The following ACTN1 variants were observed in gnomAD, a reference collection of about 807,000 sequenced individuals.
The protein encoded by ACTN1 is actinin alpha 1, also known as alpha-actinin-1.
In ACTN1, 30 loss-of-function variants were observed where a neutral mutation model predicts 119.6. The observed-to-expected ratio is 0.25, with a 90% confidence interval of 0.19 to 0.34. The LOEUF is 0.34. ACTN1 is among the 10% of genes least tolerant of loss of function. The probability of loss-of-function intolerance (pLI) is 1.00; values close to 1 mark genes in which losing one functional copy is unlikely to be tolerated. For synonymous variants in ACTN1, 429 were observed against 472.6 expected, an observed-to-expected ratio of 0.91 and a Z score of 1.20; for missense variants, 764 against 1,223.4, an observed-to-expected ratio of 0.62 and a Z score of 5.60.
rs781067137 is a variant in ACTN1 at position 68,881,936 on chromosome 14, C to CTTTTTTTTTTT, written c.1953+511_1953+521dup. 5.8e-3 allele frequency among the ~76,000 whole-genome samples: 341 copies of CTTTTTTTTTTT among 58,330 alleles called. 22 individuals carry two copies. Among genetic ancestry groups the CTTTTTTTTTTT allele is most frequent in the African/African-American group, 0.017 (161 of 9,504 alleles). 38.3% of individuals were successfully genotyped at this position (58,330 alleles called of 152,430 possible). ...AGTATGGGACTTTCATAGGCAGCTTCTTTTTTTTTTTTTTTTTTTGACAGA... is the reference window on the plus strand; with the variant it reads ...AGTATGGGACTTTCATAGGCAGCTTCTTTTTTTTTTTTTTTTTTTTTTTTTTTTTTGACAGA... On this transcript the variant is annotated intron_variant, in intron 16 of 21. Transcript: ENST00000394419.
chr14:68,956,928 C>T (rs536742517), intron 1 of ACTN1, among the ~76,000 whole-genome samples: 2 of 152,214 alleles, frequency 1.3e-5, no homozygotes, highest in East Asian at 1.9e-4. Flanking sequence ...TCAATCCCAG[C>T]CCATCCACAT....
chr14:68,903,721 G>A (rs1031930334), intron 7 of ACTN1, among the ~76,000 whole-genome samples: 1 of 152,108 alleles, frequency 6.6e-6, no homozygotes, highest in African/African-American at 2.4e-5. Context: ...CGCGGAGGTG[G>A]GACAAGACCC....
chr14:68,909,199 TA>T lies in ACTN1; in HGVS notation c.594+118del. The T allele has an allele frequency of 1.0e-6, 1 of 1,001,806 alleles. No individual in the cohort carries two copies. Among genetic ancestry groups the T allele is most frequent in the Non-Finnish European group, 1.5e-6 (1 of 661,462 alleles). 62.1% of individuals were successfully genotyped at this position (1,001,806 alleles called of 1,614,324 possible). On this transcript the variant is annotated intron_variant, in intron 6 of 21. Transcript: ENST00000394419. The surrounding 1 kb of genome is among the most constrained non-coding windows in gnomAD (Gnocchi z 4.1). ...CAGTTGGGGCTCTGTCTGGCTATTC[TA>T]AGAGGCCAACACTGCTCAGGCTGGA...
intron 1 of ACTN1, among the ~76,000 whole-genome samples, chr14:68,968,593 G>A (rs972611943): frequency 1.3e-5 from 2 of 152,232 alleles, no homozygotes; most frequent in African/African-American, 4.8e-5. Context: ...GGAAGGTTAC[G>A]GGATCAGGGA....
intron 1 of ACTN1, among the ~76,000 whole-genome samples, chr14:68,946,685 G>A (rs1437796309): frequency 1.3e-5 from 2 of 152,160 alleles, no homozygotes; most frequent in Non-Finnish European, 2.9e-5. Flanking sequence ...CTGGTTTTCA[G>A]AAGGCACACC....
Position 68,929,416 on chromosome 14 carries a change from T to C in ACTN1, c.106-3744A>G, listed in dbSNP as rs116451937. Among the ~76,000 whole-genome samples the C allele has an allele frequency of 2.7e-3, 403 of 151,592 alleles. 1 individual carries two copies. Among genetic ancestry groups the C allele is most frequent in the African/African-American group, 9.2e-3 (381 of 41,318 alleles). ...GGTGGGGAGTGCTACCCCGGCAGGT[T>C]TGTGGCCCAGCCGCATTCAAACAAA... On this transcript the variant is annotated intron_variant, in intron 1 of 21. Coordinates refer to ENST00000394419, the MANE Select transcript of ACTN1 (RefSeq NM_001130004.2).
intron 11 of ACTN1, chr14:68,888,057 C>A: frequency 2.8e-6 from 2 of 722,020 alleles, no homozygotes; most frequent in Non-Finnish European, 5.2e-6. Flanking sequence ...GCGGCTCCTT[C>A]AGCAGAGCTG....
chr14:68,941,940 C>A (rs1315679551), intron 1 of ACTN1, among the ~76,000 whole-genome samples: 2 of 152,180 alleles, frequency 1.3e-5, no homozygotes, highest in African/African-American at 4.8e-5. Flanking sequence ...CAAGCCAATG[C>A]CACAGCGCCA....
intron 1 of ACTN1, among the ~76,000 whole-genome samples, chr14:68,945,132 C>A (rs2140507969): frequency 6.8e-6 from 1 of 147,062 alleles, no homozygotes; most frequent in Non-Finnish European, 1.5e-5. Context: ...CCACTACACT[C>A]CAGCCTGGGC....
At chr14:68,945,978 C>T (rs916959154) in intron 1 of ACTN1, among the ~76,000 whole-genome samples, 1 of 152,126 alleles carries the variant, frequency 6.6e-6, no homozygotes, top group East Asian at 1.9e-4. Flanking sequence ...ATGAGAAAAC[C>T]GAGGCCAAGA....
intron 21 of ACTN1, 70 bp from the exon 22 acceptor site, chr14:68,875,087 C>G: frequency 1.3e-6 from 2 of 1,595,606 alleles, no homozygotes; most frequent in South Asian, 1.1e-5. Context: ...CCGACACAGC[C>G]GCAAAGCCTG....
chr14:68,906,913 C>T, intron 6 of ACTN1, among the ~76,000 whole-genome samples: 1 of 151,366 alleles, frequency 6.6e-6, no homozygotes, highest in East Asian at 1.9e-4. Flanking sequence ...ACATTGAGGC[C>T]AGAAGTTCGA....
rs537785156 is a variant in ACTN1 at position 68,886,212 on chromosome 14, G to C, written c.1235-637C>G. 3 of 152,402 alleles carry C rather than the reference G, an allele frequency of 2.0e-5. No individual in the cohort carries two copies. In the East Asian group the frequency reaches 5.8e-4, roughly 29 times the overall value. The allele number at this position is 152,402 out of a possible 1,614,324, so 9.4% of individuals were successfully genotyped here. On this transcript the variant is annotated intron_variant, in intron 11 of 21. Transcript: ENST00000394419. ...ACCAGCTGCCTTGTGAAGTTGACAG[G>C]CACAGGATGGGGGCTGGCCCAGCCT...
At chr14:68,893,526 T>G (rs2032654352) in intron 9 of ACTN1, 129 bp downstream of exon 9, 2 of 882,070 alleles carry the variant, frequency 2.3e-6, no homozygotes, top group Middle Eastern at 4.6e-4. Flanking sequence ...CAGGCTGCCC[T>G]GGACTAGCAG....
chr14:68,951,131 G>A (rs551694681), intron 1 of ACTN1, among the ~76,000 whole-genome samples: 1 of 152,322 alleles, frequency 6.6e-6, no homozygotes, highest in African/African-American at 2.4e-5. Context: ...ACAGTGGCAG[G>A]GAAGCGCCAC....
chr14:68,977,784 G>T (rs569026998), intron 1 of ACTN1: 7 of 349,780 alleles, frequency 2.0e-5, no homozygotes, highest in South Asian at 1.4e-4. Context: ...ACTATCCAAA[G>T]GGACGCGCCA....
Position 68,882,441 on chromosome 14 carries a change from C to A in ACTN1, c.1953+17G>T. 6.2e-7 allele frequency: 1 copy of A among 1,613,192 alleles called. No homozygotes were observed. Among genetic ancestry groups the A allele is most frequent in the Non-Finnish European group, 8.5e-7 (1 of 1,179,404 alleles). Reference sequence around the variant, plus strand: ...AGGGGTGGGAGCCCCAGCACTGCTTCCCAGCATGGGACCCACCTCCATCTT... The same window carrying A: ...AGGGGTGGGAGCCCCAGCACTGCTTACCAGCATGGGACCCACCTCCATCTT... On this transcript the variant is annotated intron_variant, in intron 16 of 21. Coordinates refer to ENST00000394419, the MANE Select transcript of ACTN1 (RefSeq NM_001130004.2). This position sits in a 1 kb window ranked among gnomAD's most constrained non-coding sequence, Gnocchi z 4.5.
rs1365304298 is a variant in ACTN1 at position 68,878,777 on chromosome 14, G to A, written c.2361+212C>T. ...GGGATGAAGAGCAGCGAGGACGGAA[G>A]ACAGCGGGCACCCAGTAGGTTGCCA... On this transcript the variant is annotated intron_variant, in intron 19 of 21. Coordinates refer to ENST00000394419, the MANE Select transcript of ACTN1 (RefSeq NM_001130004.2). This position sits in a 1 kb window ranked among gnomAD's most constrained non-coding sequence, Gnocchi z 4.4. 8 of 1,562,960 alleles carry A rather than the reference G, an allele frequency of 5.1e-6. No individual in the cohort carries two copies. Among genetic ancestry groups the A allele is most frequent in the Non-Finnish European group, 6.0e-6 (7 of 1,162,332 alleles).
chr14:68,934,653 C>T (rs1359795793), intron 1 of ACTN1, among the ~76,000 whole-genome samples: 2 of 152,154 alleles, frequency 1.3e-5, no homozygotes, highest in Non-Finnish European at 1.5e-5. Context: ...TGTAAGCATA[C>T]AAATGTTCTT....
Sources: gnomAD v4.1 joint callset for allele counts (sites outside exome capture counted in the v4.1 genomes callset) on GRCh38, gnomAD v4.1.1 for gene constraint, Gnocchi (gnomAD v3.1) non-coding constraint, MANE v1.5 for transcripts, NCBI Gene and HGNC (gene_info 2026-07-23, HGNC 2026-07-21) for gene names.